XPO4: variants seen among roughly 807,000 people sequenced by gnomAD.
XPO4 encodes exportin 4, also known as exportin-4.
XPO4 carries 39 observed loss-of-function variants against 143.0 expected under a neutral mutation model. The observed-to-expected ratio is 0.27, with a 90% CI of 0.21 to 0.36. The LOEUF (loss-of-function observed/expected upper bound fraction) is 0.36, where lower values mean the gene tolerates loss of function less well. Among genes scored for constraint, XPO4 ranks in the 10% least tolerant of loss-of-function variants. XPO4 has a pLI of 1.00. For missense variants in XPO4, 907 were observed against 1,348.0 expected (o/e 0.67, Z 5.12); for synonymous variants, 439 against 474.0 (o/e 0.93, Z 0.96).
intron 1 of XPO4, among the ~76,000 whole-genome samples, chr13:20,881,969 G>A (rs1156453917): frequency 6.6e-6 from 1 of 151,756 alleles, no homozygotes; most frequent in Non-Finnish European, 1.5e-5. Flanking sequence ...AATTAACTGG[G>A]CATGGTAGTG....
intron 1 of XPO4, among the ~76,000 whole-genome samples, chr13:20,887,317 TAA>T (rs1357708423): frequency 1.3e-5 from 2 of 152,120 alleles, no homozygotes; most frequent in African/African-American, 4.8e-5. Flanking sequence ...ATACTTCACA[TAA>T]GGGAGGTGAT....
intron 1 of XPO4, among the ~76,000 whole-genome samples, chr13:20,882,109 C>CAAAAAAAAAAAAAAAA (rs35404161): frequency 9.9e-4 from 92 of 93,326 alleles, no homozygotes; most frequent in Middle Eastern, 5.6e-3. Context: ...GACTCGGTCT[C>CAAAAAAAAAAAAAAAA]AAAAAAAAAA....
At chr13:20,852,360 A>T (rs2138091349) in intron 4 of XPO4, 1 of 985,464 alleles carries the variant, frequency 1.0e-6, no homozygotes, top group Middle Eastern at 5.2e-4. Flanking sequence ...TCCAAGTAGC[A>T]GCCTCAGTTG....
chr13:20,890,236 GC>G (rs2060499173), intron 1 of XPO4, among the ~76,000 whole-genome samples: 1 of 150,712 alleles, frequency 6.6e-6, no homozygotes. Flanking sequence ...GATCGCTTGA[GC>G]CCAAGGGTTC....
intron 8 of XPO4, 109 bp downstream of exon 8, chr13:20,822,023 T>C: frequency 7.0e-7 from 1 of 1,418,864 alleles, no homozygotes. Context: ...CCCATATGAC[T>C]TTACTTCAAA....
intron 6 of XPO4, among the ~76,000 whole-genome samples, chr13:20,837,217 G>A (rs1374338745): frequency 6.6e-6 from 1 of 152,092 alleles, no homozygotes; most frequent in Non-Finnish European, 1.5e-5. Flanking sequence ...GCTGTCCCGT[G>A]CTTTGTAGGA....
At chr13:20,891,474 T>C (rs894781712) in intron 1 of XPO4, among the ~76,000 whole-genome samples, 26 of 152,322 alleles carry the variant, frequency 1.7e-4, no homozygotes, top group African/African-American at 5.8e-4. Flanking sequence ...CCAGGCACTA[T>C]ACTAAACACT....
chr13:20,821,919 A>G, intron 8 of XPO4, 41 bp from the exon 9 acceptor site: 1 of 1,540,458 alleles, frequency 6.5e-7, no homozygotes, highest in Non-Finnish European at 8.8e-7. Flanking sequence ...GCAGTAAAAG[A>G]AAAATTATTA....
chr13:20,808,398 G>T (rs373079782), intron 12 of XPO4, 38 bp downstream of exon 12: 3 of 1,489,882 alleles, frequency 2.0e-6, no homozygotes, highest in African/African-American at 2.7e-5. Context: ...AAATTGCTCA[G>T]TTGGCAATTA....
chr13:20,856,816 G>C (rs575418614), intron 3 of XPO4: 11 of 983,982 alleles, frequency 1.1e-5, no homozygotes, highest in Non-Finnish European at 1.3e-5. Context: ...CCAGGCCTCT[G>C]AACTTCTATT....
rs76289506 is a variant in XPO4, at chr13:20,779,238, CTTCT to C, written c.*4480_*4483del. 3 of 152,562 alleles carry C rather than the reference CTTCT, an allele frequency of 2.0e-5. No individual in the cohort carries two copies. Among genetic ancestry groups the C allele is most frequent in the East Asian group, 1.9e-4 (1 of 5,198 alleles). 9.5% of individuals were successfully genotyped at this position (152,562 alleles called of 1,614,324 possible). ...TAAACCACAAACTCACTGCATAGAG[CTTCT>C]TTCTTTGTACAGATAATCAAATCAC... On this transcript the variant is annotated 3_prime_UTR_variant, in exon 23 of 23. Coordinates refer to ENST00000255305, the MANE Select transcript of XPO4 (RefSeq NM_022459.5).
chr13:20,824,719 TG>T (rs2137974524), intron 7 of XPO4, among the ~76,000 whole-genome samples: 1 of 151,890 alleles, frequency 6.6e-6, no homozygotes, highest in African/African-American at 2.4e-5. Flanking sequence ...CACCTGAATA[TG>T]GAAAAGGGAC....
intron 1 of XPO4, chr13:20,879,179 T>G (rs1284670186): frequency 2.0e-6 from 2 of 985,150 alleles, no homozygotes; most frequent in African/African-American, 1.7e-5. Context: ...GACAGGAGAT[T>G]AAAGCCAGGG....
intron 1 of XPO4, among the ~76,000 whole-genome samples, chr13:20,895,093 G>A (rs1035223138): frequency 1.3e-5 from 2 of 150,660 alleles, no homozygotes; most frequent in Non-Finnish European, 3.0e-5. Flanking sequence ...CAGGATAATT[G>A]CTTGAACCCG....
intron 2 of XPO4, among the ~76,000 whole-genome samples, chr13:20,867,738 C>CCAA (rs1566616488): frequency 1.3e-5 from 2 of 151,842 alleles, no homozygotes; most frequent in Non-Finnish European, 2.9e-5. Context: ...ATAAGCCTTA[C>CCAA]TAAAAGCACA....
At chr13:20,883,287 T>C (rs1555342852) in intron 1 of XPO4, among the ~76,000 whole-genome samples, 4 of 152,178 alleles carry the variant, frequency 2.6e-5, no homozygotes, top group Non-Finnish European at 5.9e-5. Flanking sequence ...AGGAAAGATG[T>C]AGACTCAAAG....
chr13:20,872,578 A>C (rs1307393987), intron 1 of XPO4, among the ~76,000 whole-genome samples: 1 of 152,206 alleles, frequency 6.6e-6, no homozygotes. Context: ...AGAAAGAAGA[A>C]AGACAGGAAG....
intron 9 of XPO4, among the ~76,000 whole-genome samples, chr13:20,820,851 C>T (rs2059711170): frequency 6.6e-6 from 1 of 152,182 alleles, no homozygotes; most frequent in South Asian, 2.1e-4. Flanking sequence ...CTAACCAACA[C>T]AACTTACAAT....
At chr13:20,868,758 A>G (rs1045523035) in intron 1 of XPO4, 57 bp from the exon 2 acceptor site, 5 of 1,495,856 alleles carry the variant, frequency 3.3e-6, no homozygotes, top group Non-Finnish European at 4.6e-6. Flanking sequence ...CTTAAATAAT[A>G]TCAATATTTT....
Sources: gnomAD v4.1 joint callset for allele counts (sites outside exome capture counted in the v4.1 genomes callset) on GRCh38, gnomAD v4.1.1 for gene constraint, MANE v1.5 for transcripts, NCBI Gene and HGNC (gene_info 2026-07-23, HGNC 2026-07-21) for gene names.